Variants in ARHGAP15 observed in about 807,000 individuals in gnomAD.
ARHGAP15 encodes Rho GTPase activating protein 15.
A neutral mutation model predicts 63.7 loss-of-function variants in ARHGAP15; 51 were observed. The ratio of observed to expected loss-of-function variants is 0.80; its 90% CI spans 0.64 to 1.01. The LOEUF (loss-of-function observed/expected upper bound fraction) is 1.01, where lower values mean the gene tolerates loss of function less well. Among genes scored for constraint, ARHGAP15 ranks in the 50% least tolerant of loss-of-function variants. The pLI, the probability that ARHGAP15 is intolerant of heterozygous loss-of-function variation, is 0.00. For synonymous variants in ARHGAP15, 191 were observed against 193.8 expected (o/e 0.99, Z 0.12); for missense variants, 560 against 564.6 (o/e 0.99, Z 0.08).
At chr2:143,664,496 C>A (rs1479839503) in intron 12 of ARHGAP15, among the ~76,000 whole-genome samples, 7 of 151,902 alleles carry the variant, frequency 4.6e-5, no homozygotes, top group Non-Finnish European at 7.4e-5. Context: ...CCTAACATCA[C>A]AATTAAAAGA....
intron 12 of ARHGAP15, among the ~76,000 whole-genome samples, chr2:143,698,999 T>C (rs1023405294): frequency 6.6e-6 from 1 of 152,170 alleles, no homozygotes; most frequent in Non-Finnish European, 1.5e-5. Context: ...GTCTTTCAGA[T>C]GCTCACTGAA....
intron 6 of ARHGAP15, among the ~76,000 whole-genome samples, chr2:143,340,705 C>G (rs957332268): frequency 1.3e-5 from 2 of 152,006 alleles, no homozygotes; most frequent in Non-Finnish European, 2.9e-5. Context: ...CAAAGGCCAC[C>G]AATAGGCTCA....
chr2:143,742,420 A>C (rs976869240), intron 13 of ARHGAP15, among the ~76,000 whole-genome samples: 2 of 152,344 alleles, frequency 1.3e-5, no homozygotes, highest in East Asian at 1.9e-4. Context: ...AATAATATCA[A>C]GTTAAATTTC....
rs7565671 is a variant in ARHGAP15 at position 143,346,232 on chromosome 2, T to A, written c.475-89369T>A. On this transcript the variant is annotated intron_variant, in intron 6 of 13. Coordinates refer to ENST00000295095, the MANE Select transcript of ARHGAP15 (RefSeq NM_018460.4). ...CACACACTCTCTCTCACACACACTC[T>A]CTCTCACACACACACACTCACACAC... 1.1e-3 allele frequency among the ~76,000 whole-genome samples: 51 copies of A among 47,620 alleles called. 1 individual carries two copies. The highest frequency in any genetic ancestry group is 3.8e-3 in the African/African-American group (33 of 8,792). The allele number at this position is 47,620 out of a possible 152,430, so 31.2% of individuals were successfully genotyped here.
At chr2:143,416,817 C>A (rs1347541917) in intron 6 of ARHGAP15, among the ~76,000 whole-genome samples, 3 of 55,912 alleles carry the variant, frequency 5.4e-5, no homozygotes, top group Non-Finnish European at 7.8e-5. Context: ...CCACTTCCCC[C>A]ACCACCCCCC....
intron 10 of ARHGAP15, among the ~76,000 whole-genome samples, chr2:143,540,976 C>T (rs1425803870): frequency 6.6e-6 from 1 of 152,154 alleles, no homozygotes; most frequent in East Asian, 1.9e-4. Context: ...GAGTGTTTTC[C>T]AACTTGGTTC....
At chr2:143,696,356 TATATATAAGATAG>T (rs1384429601) in intron 12 of ARHGAP15, among the ~76,000 whole-genome samples, 1 of 149,984 alleles carries the variant, frequency 6.7e-6, no homozygotes, top group Non-Finnish European at 1.5e-5. Context: ...TTTTCTTATT[TATATATAAGATAG>T]ATATATAATA....
At chr2:143,480,726 T>C (rs956665704) in intron 8 of ARHGAP15, 1 of 152,218 alleles carries the variant, frequency 6.6e-6, no homozygotes, top group Non-Finnish European at 1.5e-5. Flanking sequence ...AAGCCCAAAC[T>C]TACCCTTTCT....
chr2:143,316,351 G>A (rs1394428891), intron 6 of ARHGAP15, among the ~76,000 whole-genome samples: 1 of 151,492 alleles, frequency 6.6e-6, no homozygotes, highest in Non-Finnish European at 1.5e-5. Flanking sequence ...TCTGTATTCT[G>A]CCAAGATTTT....
intron 3 of ARHGAP15, among the ~76,000 whole-genome samples, chr2:143,211,487 C>A (rs559683371): frequency 3.0e-4 from 45 of 152,106 alleles, no homozygotes; most frequent in Non-Finnish European, 5.3e-4. Context: ...GTACTATGAT[C>A]TATTAAAAGT....
At chr2:143,324,970 C>G (rs1684187555) in intron 6 of ARHGAP15, among the ~76,000 whole-genome samples, 1 of 152,140 alleles carries the variant, frequency 6.6e-6, no homozygotes, top group South Asian at 2.1e-4. Flanking sequence ...TAGATTCATT[C>G]TCTAGCATGT....
At chr2:143,207,851 A>G (rs1461453652) in intron 3 of ARHGAP15, among the ~76,000 whole-genome samples, 1 of 152,024 alleles carries the variant, frequency 6.6e-6, no homozygotes, top group African/African-American at 2.4e-5. Context: ...CACTTGAATT[A>G]TTTTTCAGAA....
chr2:143,695,686 G>A (rs947345839), intron 12 of ARHGAP15, among the ~76,000 whole-genome samples: 6 of 152,042 alleles, frequency 3.9e-5, no homozygotes, highest in Admixed American at 6.6e-5. Context: ...TGGGCAACAC[G>A]GTGAAACCCC....
intron 1 of ARHGAP15, among the ~76,000 whole-genome samples, chr2:143,133,460 A>G (rs1276765116): frequency 1.3e-5 from 2 of 152,202 alleles, no homozygotes; most frequent in Non-Finnish European, 1.5e-5. Flanking sequence ...GTCTAGGGTC[A>G]GGATGTATTT....
At chr2:143,480,320 G>T (rs1415423638) in intron 8 of ARHGAP15, among the ~76,000 whole-genome samples, 1 of 151,994 alleles carries the variant, frequency 6.6e-6, no homozygotes, top group Non-Finnish European at 1.5e-5. Flanking sequence ...GCAAAAATGT[G>T]GTTAGATTTA....
intron 6 of ARHGAP15, among the ~76,000 whole-genome samples, chr2:143,420,216 G>A (rs565456924): frequency 1.3e-5 from 2 of 152,134 alleles, no homozygotes; most frequent in African/African-American, 4.8e-5. Flanking sequence ...AATGATAATG[G>A]GCTAGGTGGA....
intron 12 of ARHGAP15, among the ~76,000 whole-genome samples, chr2:143,630,436 T>C (rs574866020): frequency 2.0e-5 from 3 of 152,208 alleles, no homozygotes; most frequent in African/African-American, 7.2e-5. Context: ...CAGAAGAAGT[T>C]AGGATGAAAA....
At chr2:143,618,832 CCTT>C (rs1024903810) in intron 11 of ARHGAP15, among the ~76,000 whole-genome samples, 18 of 114,128 alleles carry the variant, frequency 1.6e-4, no homozygotes, top group African/African-American at 4.5e-4. Flanking sequence ...GGGGTAAACT[CCTT>C]TTTTTTTTTC....
At chr2:143,266,261 C>A (rs1039595516) in intron 6 of ARHGAP15, among the ~76,000 whole-genome samples, 4 of 152,036 alleles carry the variant, frequency 2.6e-5, no homozygotes, top group Non-Finnish European at 4.4e-5. Flanking sequence ...TTTGATAATA[C>A]TGTCAATTTA....
Sources: allele counts gnomAD v4.1 joint callset (sites outside exome capture counted in the v4.1 genomes callset), GRCh38; gene constraint gnomAD v4.1.1; transcripts MANE v1.5; gene names NCBI Gene and HGNC (gene_info 2026-07-23, HGNC 2026-07-21).